The following TMEM44 variants were observed in gnomAD, a reference collection of about 807,000 sequenced individuals.
The protein encoded by TMEM44 is transmembrane protein 44.
In TMEM44, 43 loss-of-function variants were observed where a neutral mutation model predicts 47.8. That is an observed-to-expected ratio of 0.90 (90% CI 0.70 to 1.16). TMEM44 has a LOEUF of 1.16. TMEM44 is among the 50% of genes most tolerant of loss of function. The pLI is 0.00. For missense variants in TMEM44, 568 were observed against 555.2 expected (o/e 1.02, Z -0.23); for synonymous variants, 277 against 238.8 (o/e 1.16, Z -1.48).
rs761276252 is a variant in TMEM44 at position 194,623,623 on chromosome 3, C to G, written c.431G>C (p.Ser144Thr). The change falls in exon 4 of 10, where the codon AGC (serine) becomes ACC (threonine). Residue 144 changes from serine to threonine, a missense_variant. Transcript: ENST00000347147. ...CCACAGAGCCCAGCACGGGCCCAGG[C>G]TCAGCGGCAGGGCCAGGGCAAACAC... ...ASVFALALPL[S>T]LGPCWALWVA... 6.2e-7 allele frequency: 1 copy of G among 1,612,970 alleles called. No individual in the cohort carries two copies. The highest frequency in any genetic ancestry group is 1.1e-5 in the South Asian group (1 of 90,982).
intron 8 of TMEM44, among the ~76,000 whole-genome samples, chr3:194,610,232 AAAG>A (rs1715170348): frequency 2.0e-5 from 3 of 151,644 alleles, no homozygotes. Flanking sequence ...AAAGAGAGAA[AAAG>A]ATGATAGACT....
chr3:194,611,618 C>T lies in TMEM44; in HGVS notation c.913-598G>A, dbSNP rs938883873. ...TTAAACGCGCCCCAGATGATTCTAA[C>T]GTGCGGCCAAGTTTGCGAACCACTG... On this transcript the variant is annotated intron_variant, in intron 7 of 9. Transcript: ENST00000347147. This position sits in a 1 kb window ranked among gnomAD's most constrained non-coding sequence, Gnocchi z 4.2. 4.6e-5 allele frequency among the ~76,000 whole-genome samples: 7 copies of T among 152,204 alleles called. No individual in the cohort carries two copies. The highest frequency in any genetic ancestry group is 3.9e-4 in the Admixed American group (6 of 15,280).
At chr3:194,590,649 C>T (rs1313388994) in intron 9 of TMEM44, among the ~76,000 whole-genome samples, 3 of 152,156 alleles carry the variant, frequency 2.0e-5, no homozygotes, top group Non-Finnish European at 4.4e-5. Context: ...TGTGCTTGAC[C>T]AGCCACACCA....
chr3:194,593,813 A>G (rs1288422798), intron 9 of TMEM44, among the ~76,000 whole-genome samples: 2 of 152,114 alleles, frequency 1.3e-5, no homozygotes, highest in Non-Finnish European at 1.5e-5. Flanking sequence ...AAAAAAATCA[A>G]TTAATTAATT....
intron 2 of TMEM44, among the ~76,000 whole-genome samples, chr3:194,626,927 T>TA (rs1198982038): frequency 1.7e-5 from 1 of 60,250 alleles, no homozygotes; most frequent in Non-Finnish European, 3.6e-5. Flanking sequence ...GGACCTACTG[T>TA]ATTTTTTTTT....
rs1428353960 is a variant in TMEM44 at position 194,632,690 on chromosome 3, G to T, written c.137+389C>A. 3.9e-5 allele frequency among the ~76,000 whole-genome samples: 6 copies of T among 152,278 alleles called. No individual in the cohort carries two copies. In the East Asian group the frequency reaches 1.2e-3, roughly 29 times the overall value. ...ATGAGCATTTACTAAGTGCTTTAAC[G>T]GTACTGATTCATCGAATCCTCCCAT... On this transcript the variant is annotated intron_variant, in intron 1 of 9. Coordinates refer to ENST00000347147, the MANE Select transcript of TMEM44 (RefSeq NM_001011655.3).
intron 3 of TMEM44, 60 bp downstream of exon 3, chr3:194,625,837 T>A: frequency 1.4e-6 from 2 of 1,437,550 alleles, no homozygotes; most frequent in Non-Finnish European, 2.0e-6. Context: ...GGAGTAGGCA[T>A]TCGGCGTGCT....
rs192477596 is a variant in TMEM44, at chr3:194,629,644, T to C, written c.138-1135A>G. ...ATAGGGCCTCTGAAACACGTTGTCGTACCTGCCTCCCGAAGGGGCTGGCTG... is the reference window on the plus strand; with the variant it reads ...ATAGGGCCTCTGAAACACGTTGTCGCACCTGCCTCCCGAAGGGGCTGGCTG... On this transcript the variant is annotated intron_variant, in intron 1 of 9. Transcript: ENST00000347147. Among the ~76,000 whole-genome samples the C allele has an allele frequency of 1.2e-3, 178 of 151,876 alleles. 1 individual carries two copies. The highest frequency in any genetic ancestry group is 0.011 in the Admixed American group (167 of 15,246).
chr3:194,602,057 G>A lies in TMEM44; in HGVS notation c.1176+2230C>T, dbSNP rs555118533. Among the ~76,000 whole-genome samples the A allele has an allele frequency of 5.3e-5, 8 of 152,258 alleles. No individual in the cohort carries two copies. In the East Asian group the frequency reaches 1.3e-3, roughly 26 times the overall value. ...CGGTCCCCTTTAGCCTTAGATCTCC[G>A]CCAAGACTGCTGGCTCCAGGCTGCC... On this transcript the variant is annotated intron_variant, in intron 9 of 9. Transcript: ENST00000347147.
intron 8 of TMEM44, among the ~76,000 whole-genome samples, chr3:194,608,703 T>C (rs1191269125): frequency 6.6e-6 from 1 of 152,100 alleles, no homozygotes; most frequent in African/African-American, 2.4e-5. Flanking sequence ...TCTGTGCAGC[T>C]AGACAGGAGT....
At chr3:194,618,429 GTAAA>G (rs200912281) in intron 5 of TMEM44, among the ~76,000 whole-genome samples, 2,809 of 149,628 alleles carry the variant, frequency 0.019, 82 homozygotes, top group African/African-American at 0.065. Context: ...AATAAAAATT[GTAAA>G]TAGTTTATAT....
intron 9 of TMEM44, chr3:194,592,893 G>A (rs956084026): frequency 5.1e-5 from 47 of 927,214 alleles, no homozygotes; most frequent in Non-Finnish European, 7.8e-5. Context: ...GATTACAGGT[G>A]TGAGCCACCG....
intron 7 of TMEM44, among the ~76,000 whole-genome samples, chr3:194,614,471 C>A (rs566593555): frequency 3.9e-5 from 6 of 152,310 alleles, no homozygotes; most frequent in African/African-American, 1.4e-4. Context: ...GTGGCGCCAT[C>A]TTGGCTCACT....
intron 1 of TMEM44, among the ~76,000 whole-genome samples, chr3:194,628,929 C>T (rs1265761319): frequency 4.6e-5 from 7 of 152,164 alleles, no homozygotes; most frequent in African/African-American, 4.8e-5. Flanking sequence ...TTTGGGAGGC[C>T]GAGGCAGGAG....
chr3:194,610,135 G>A (rs1715159799), intron 8 of TMEM44, among the ~76,000 whole-genome samples: 1 of 151,886 alleles, frequency 6.6e-6, no homozygotes, highest in Non-Finnish European at 1.5e-5. Flanking sequence ...GCTGAGGTAG[G>A]AGAATCACTT....
intron 9 of TMEM44, chr3:194,590,285 G>C (rs1712489309): frequency 6.6e-6 from 1 of 152,204 alleles, no homozygotes. Flanking sequence ...ACTAATACTT[G>C]GCGATTTTAA....
intron 9 of TMEM44, among the ~76,000 whole-genome samples, chr3:194,591,346 T>G (rs1032663603): frequency 2.6e-5 from 4 of 151,446 alleles, no homozygotes; most frequent in African/African-American, 7.3e-5. Context: ...TACAAAAAAT[T>G]AGCCAGGCAT....
intron 9 of TMEM44, chr3:194,588,906 C>T (rs1712213740): frequency 1.5e-5 from 7 of 472,466 alleles, no homozygotes; most frequent in Admixed American, 7.0e-5. Context: ...CTCTTCTCTG[C>T]CTCTACCAAG....
intron 5 of TMEM44, among the ~76,000 whole-genome samples, chr3:194,618,258 G>C (rs368983442): frequency 1.3e-5 from 2 of 152,060 alleles, no homozygotes; most frequent in East Asian, 3.8e-4. Context: ...CATTTCTGGA[G>C]AATATGTAAT....
Sources: allele counts gnomAD v4.1 joint callset (sites outside exome capture counted in the v4.1 genomes callset), GRCh38; gene constraint gnomAD v4.1.1; non-coding constraint Gnocchi (gnomAD v3.1); transcripts MANE v1.5; gene names NCBI Gene and HGNC (gene_info 2026-07-23, HGNC 2026-07-21).